SIMC1: variants seen among roughly 807,000 people sequenced by gnomAD.
SIMC1 encodes the protein SUMO-interacting motif-containing protein 1.
In SIMC1, 55 loss-of-function variants were observed where a neutral mutation model predicts 82.3. The ratio of observed to expected loss-of-function variants is 0.67; its 90% CI spans 0.54 to 0.84. SIMC1 has a LOEUF of 0.84. Among genes scored for constraint, SIMC1 ranks in the 40% least tolerant of loss-of-function variants. The probability of loss-of-function intolerance (pLI) is 0.00; values close to 1 mark genes in which losing one functional copy is unlikely to be tolerated. For synonymous variants in SIMC1, 353 were observed against 426.3 expected (o/e 0.83, Z 2.12); for missense variants, 915 against 1,107.2 (o/e 0.83, Z 2.46).
At chr5:176,325,134 C>G (rs1765322521) in intron 7 of SIMC1, among the ~76,000 whole-genome samples, 1 of 152,170 alleles carries the variant, frequency 6.6e-6, no homozygotes, top group Non-Finnish European at 1.5e-5. Flanking sequence ...AATCCCAGCA[C>G]TTTGGGAGGA....
rs150309270 is a variant in SIMC1 at position 176,263,810 on chromosome 5, A to G, written c.129+25173A>G. Among the ~76,000 whole-genome samples the G allele has an allele frequency of 2.5e-3, 387 of 152,300 alleles. 3 individuals carry two copies. The highest frequency in any genetic ancestry group is 8.8e-3 in the African/African-American group (365 of 41,572). ...AAAGTCTTAACTCATTCCACTATCA[A>G]TTTAAAAAATGCAAAATCTCATCTG... On this transcript the variant is annotated intron_variant, in intron 1 of 9. Transcript: ENST00000429602.
At chr5:176,330,627 ATAT>A (rs1765607257) in intron 7 of SIMC1, among the ~76,000 whole-genome samples, 1 of 152,158 alleles carries the variant, frequency 6.6e-6, no homozygotes, top group African/African-American at 2.4e-5. Flanking sequence ...CAGTAAAATA[ATAT>A]TATCTGTTGA....
chr5:176,250,244 G>A (rs1042386254), intron 1 of SIMC1, among the ~76,000 whole-genome samples: 1 of 152,182 alleles, frequency 6.6e-6, no homozygotes, highest in Non-Finnish European at 1.5e-5. Context: ...TTCAGGAGCA[G>A]GTTGTTCAGT....
In SIMC1 at chr5:176,290,724, G is replaced by C. The variant is rs771092107; in HGVS notation, c.1200G>C (p.Gln400His). The change falls in exon 2 of 10, where the codon CAG (glutamine) becomes CAC (histidine). Residue 400 changes from glutamine to histidine, a missense_variant. By Grantham distance (24) the Gln-to-His change is conservative. Transcript: ENST00000429602. ...LSSPSCSPSP[Q>H]SETPLEKVPW... is the part of the protein sequence containing the mutation. ...CTCCAAGCTGCTCTCCCAGCCCACA[G>C]TCTGAAACTCCCTTAGAGAAAGTTC... 6.2e-7 allele frequency: 1 copy of C among 1,613,822 alleles called. No homozygotes were observed. Among genetic ancestry groups the C allele is most frequent in the Admixed American group, 1.7e-5 (1 of 59,998 alleles).
chr5:176,295,939 T>C (rs1490455908), intron 3 of SIMC1, among the ~76,000 whole-genome samples: 3 of 152,214 alleles, frequency 2.0e-5, no homozygotes, highest in Admixed American at 2.0e-4. Context: ...ACAGCACGAT[T>C]GGCTAAAAAA....
intron 5 of SIMC1, among the ~76,000 whole-genome samples, chr5:176,316,318 C>G (rs1764902815): frequency 6.6e-6 from 1 of 152,074 alleles, no homozygotes; most frequent in Non-Finnish European, 1.5e-5. Flanking sequence ...CTTTCATTTT[C>G]ACCTCCTGTG....
At chr5:176,262,305 C>G (rs1301998222) in intron 1 of SIMC1, among the ~76,000 whole-genome samples, 1 of 149,276 alleles carries the variant, frequency 6.7e-6, no homozygotes, top group African/African-American at 2.5e-5. Context: ...AAAAAGCCTT[C>G]CAGCAAACTA....
At chr5:176,298,880 T>G (rs946564764) in intron 4 of SIMC1, among the ~76,000 whole-genome samples, 1 of 151,588 alleles carries the variant, frequency 6.6e-6, no homozygotes, top group Non-Finnish European at 1.5e-5. Context: ...CAATGAAAAA[T>G]GAAGGAAGGC....
chr5:176,339,490 T>C (rs1766039729), intron 9 of SIMC1, among the ~76,000 whole-genome samples: 1 of 152,198 alleles, frequency 6.6e-6, no homozygotes, highest in South Asian at 2.1e-4. Flanking sequence ...GCAAGTTCCA[T>C]GTGTTCTTAC....
intron 4 of SIMC1, among the ~76,000 whole-genome samples, chr5:176,299,151 T>C (rs1763937935): frequency 6.6e-6 from 1 of 152,230 alleles, no homozygotes; most frequent in African/African-American, 2.4e-5. Context: ...TCCAGCACTT[T>C]GGGAGACCAA....
At chr5:176,289,237 A>G (rs1484476139) in intron 1 of SIMC1, among the ~76,000 whole-genome samples, 2 of 152,212 alleles carry the variant, frequency 1.3e-5, no homozygotes, top group African/African-American at 2.4e-5. Context: ...AAAATTAAAG[A>G]TATGTGAAAA....
intron 6 of SIMC1, 70 bp from the exon 7 acceptor site, chr5:176,324,559 C>G: frequency 3.9e-6 from 6 of 1,531,788 alleles, no homozygotes; most frequent in Non-Finnish European, 5.3e-6. Flanking sequence ...TGGTGGGGAC[C>G]TCCTCCCAGC....
At chr5:176,326,714 GC>G (rs1765407708) in intron 7 of SIMC1, among the ~76,000 whole-genome samples, 1 of 152,044 alleles carries the variant, frequency 6.6e-6, no homozygotes, top group Admixed American at 6.6e-5. Flanking sequence ...ACAGGTGCAT[GC>G]CCCTATACCC....
At chr5:176,315,412 C>T (rs1387531765) in intron 5 of SIMC1, among the ~76,000 whole-genome samples, 1 of 152,080 alleles carries the variant, frequency 6.6e-6, no homozygotes, top group African/African-American at 2.4e-5. Flanking sequence ...TCCACTAAGC[C>T]CATCTCCAAC....
intron 4 of SIMC1, among the ~76,000 whole-genome samples, chr5:176,307,141 T>A (rs932901258): frequency 5.3e-5 from 8 of 152,006 alleles, no homozygotes; most frequent in South Asian, 2.1e-4. Flanking sequence ...CACTATTTTT[T>A]AAAAAAACAA....
chr5:176,289,512 C>A, intron 1 of SIMC1, 142 bp from the exon 2 acceptor site: 1 of 656,850 alleles, frequency 1.5e-6, no homozygotes, highest in Non-Finnish European at 2.6e-6. Flanking sequence ...AATACTATTG[C>A]TTATGTTACA....
At chr5:176,304,099 A>AAT (rs1003038554) in intron 4 of SIMC1, among the ~76,000 whole-genome samples, 1 of 152,228 alleles carries the variant, frequency 6.6e-6, no homozygotes, top group Non-Finnish European at 1.5e-5. Context: ...CAGAGTGAGC[A>AAT]ATAAAAATAG....
At chr5:176,298,871 A>G (rs1763927381) in intron 4 of SIMC1, among the ~76,000 whole-genome samples, 1 of 152,210 alleles carries the variant, frequency 6.6e-6, no homozygotes, top group Non-Finnish European at 1.5e-5. Context: ...AAAAAAAATC[A>G]ATGAAAAATG....
chr5:176,310,813 A>G (rs1381788554), intron 4 of SIMC1, among the ~76,000 whole-genome samples: 1 of 152,246 alleles, frequency 6.6e-6, no homozygotes, highest in Non-Finnish European at 1.5e-5. Flanking sequence ...GGACCTACAT[A>G]CACACAAATG....
Sources: gnomAD v4.1 joint callset for allele counts (sites outside exome capture counted in the v4.1 genomes callset) on GRCh38, gnomAD v4.1.1 for gene constraint, MANE v1.5 for transcripts, NCBI Gene and HGNC (gene_info 2026-07-23, HGNC 2026-07-21) for gene names.